Variants in B3GLCT observed in about 807,000 individuals in gnomAD.
B3GLCT encodes beta-1,3-glucosyltransferase.
Under a neutral mutation model 63.4 loss-of-function variants are expected in B3GLCT, and 65 were observed. The ratio of observed to expected loss-of-function variants is 1.03; its 90% CI spans 0.84 to 1.26. B3GLCT has a LOEUF of 1.26. Ranked by LOEUF, B3GLCT falls within the 50% of genes most tolerant of loss-of-function variation. The pLI is 0.00. For synonymous variants in B3GLCT, 233 were observed against 219.2 expected, an observed-to-expected ratio of 1.06 and a Z score of -0.55; for missense variants, 577 against 604.8, an observed-to-expected ratio of 0.95 and a Z score of 0.48.
rs1245202332 is a variant in B3GLCT, at chr13:31,200,173, G to C, written c.70+19G>C. 1 of 1,282,052 alleles carries C rather than the reference G, an allele frequency of 7.8e-7. No individual in the cohort carries two copies. The highest frequency in any genetic ancestry group is 1.6e-5 in the African/African-American group (1 of 63,742). The allele number at this position is 1,282,052 out of a possible 1,614,324, so 79.4% of individuals were successfully genotyped here. ...TCCCTGGGTAAGTAGCGGGCGGCCA[G>C]GCGCGCAAGGGCGAGGCGTGGGGTT... is the stretch of plus-strand genomic sequence containing the variant. On this transcript the variant is annotated intron_variant, in intron 1 of 14. Transcript: ENST00000343307.
At chr13:31,324,970 G>A (rs1384381791) in intron 14 of B3GLCT, among the ~76,000 whole-genome samples, 1 of 152,094 alleles carries the variant, frequency 6.6e-6, no homozygotes, top group Admixed American at 6.5e-5. Flanking sequence ...ACTTCCCAAA[G>A]TGCCAGGATT....
chr13:31,260,838 C>A, intron 6 of B3GLCT, 108 bp from the exon 7 acceptor site: 1 of 1,054,090 alleles, frequency 9.5e-7, no homozygotes, highest in Non-Finnish European at 1.4e-6. Flanking sequence ...GCTAATAACT[C>A]TTTATCACCC....
chr13:31,246,349 T>G (rs1485528276), intron 4 of B3GLCT, among the ~76,000 whole-genome samples: 2 of 152,238 alleles, frequency 1.3e-5, no homozygotes, highest in East Asian at 3.9e-4. Context: ...TCTCTTTATA[T>G]ATGTATACAT....
intron 1 of B3GLCT, among the ~76,000 whole-genome samples, chr13:31,212,572 C>T (rs904653338): frequency 2.6e-5 from 4 of 151,844 alleles, no homozygotes; most frequent in Admixed American, 6.6e-5. Context: ...TGGGTCCGGC[C>T]GCATGTCTGG....
chr13:31,223,979 C>T (rs910641653), intron 3 of B3GLCT, among the ~76,000 whole-genome samples: 8 of 152,134 alleles, frequency 5.3e-5, no homozygotes, highest in African/African-American at 1.7e-4. Context: ...ACCTGGAAGG[C>T]GAGCTCTAGA....
chr13:31,317,691 T>TATG lies in B3GLCT; in HGVS notation c.1184+9_1184+11dup, dbSNP rs749892401. 11 of 1,613,952 alleles carry TATG rather than the reference T, an allele frequency of 6.8e-6. No individual in the cohort carries two copies. Among genetic ancestry groups the TATG allele is most frequent in the Non-Finnish European group, 9.3e-6 (11 of 1,179,894 alleles). On this transcript the variant is annotated splice_region_variant and intron_variant, in intron 13 of 14. Coordinates refer to ENST00000343307, the MANE Select transcript of B3GLCT (RefSeq NM_194318.4). Reference sequence around the variant, plus strand: ...TACATCACGGGAGGAGGAGGGTAACTATGATCACAGCTTTCTTCAACTACT... The same window carrying TATG: ...TACATCACGGGAGGAGGAGGGTAACTATGATGATCACAGCTTTCTTCAACTACT...
chr13:31,292,788 T>G (rs1227169512), intron 12 of B3GLCT, among the ~76,000 whole-genome samples: 1 of 152,036 alleles, frequency 6.6e-6, no homozygotes, highest in Non-Finnish European at 1.5e-5. Context: ...TTTTTAGAGT[T>G]TTTTTGTGTC....
intron 7 of B3GLCT, among the ~76,000 whole-genome samples, chr13:31,266,945 AT>A (rs1287935429): frequency 1.3e-5 from 2 of 151,712 alleles, no homozygotes; most frequent in African/African-American, 4.8e-5. Flanking sequence ...TAATTTTTGT[AT>A]TTTTAGTAGA....
rs898558450 is a variant in B3GLCT at position 31,325,404 on chromosome 13, G to C, written c.1329+1509G>C. ...ATAAAAGGGGTAATTAAAACTGTTA[G>C]TGTATAAGGGAAATAATTTATCAAG... On this transcript the variant is annotated intron_variant, in intron 14 of 14. Transcript: ENST00000343307. 7.9e-5 allele frequency among the ~76,000 whole-genome samples: 12 copies of C among 152,138 alleles called. 1 individual carries two copies. The highest frequency in any genetic ancestry group is 2.9e-4 in the African/African-American group (12 of 41,426).
chr13:31,272,148 G>T (rs1438672399), intron 8 of B3GLCT, among the ~76,000 whole-genome samples: 1 of 151,000 alleles, frequency 6.6e-6, no homozygotes, highest in Non-Finnish European at 1.5e-5. Context: ...CCTTTATGTT[G>T]ATTGTAATTA....
chr13:31,267,429 A>G (rs1593285417), intron 7 of B3GLCT, among the ~76,000 whole-genome samples: 2 of 152,386 alleles, frequency 1.3e-5, no homozygotes, highest in East Asian at 3.8e-4. Flanking sequence ...ACCTTGATGC[A>G]GTTTATTTAT....
At chr13:31,249,693 C>G (rs1228261293) in intron 6 of B3GLCT, among the ~76,000 whole-genome samples, 1 of 152,180 alleles carries the variant, frequency 6.6e-6, no homozygotes, top group African/African-American at 2.4e-5. Flanking sequence ...GAGATGTTTT[C>G]TCCCTCTTTT....
rs1002347767 is a variant in B3GLCT, at chr13:31,264,958, T to C, written c.596+3876T>C. Among the ~76,000 whole-genome samples the C allele has an allele frequency of 2.0e-5, 3 of 152,230 alleles. No individual in the cohort carries two copies. In the East Asian group the frequency reaches 5.8e-4, roughly 29 times the overall value. On this transcript the variant is annotated intron_variant, in intron 7 of 14. Coordinates refer to ENST00000343307, the MANE Select transcript of B3GLCT (RefSeq NM_194318.4). ...TATCAATATCATTGAGGACCCACAC[T>C]TTCTCTGTCCCTCTAGCCTATAGTA...
In B3GLCT at chr13:31,330,024, T is replaced by C. The variant is rs1875836519; in HGVS notation, c.*356T>C. On this transcript the variant is annotated 3_prime_UTR_variant, in exon 15 of 15. Coordinates refer to ENST00000343307, the MANE Select transcript of B3GLCT (RefSeq NM_194318.4). ...CTGTCTCTTCATTGTAATGGAAGTT[T>C]CAGTTGGGCATGAGCCTGGAGAGAT... is the stretch of plus-strand genomic sequence containing the variant. 3.3e-6 allele frequency: 1 copy of C among 306,488 alleles called. No individual in the cohort carries two copies. The highest frequency in any genetic ancestry group is 6.3e-6 in the Non-Finnish European group (1 of 159,566). The allele number at this position is 306,488 out of a possible 1,614,324, so 19.0% of individuals were successfully genotyped here. A position where few individuals can be genotyped will look rare whatever the true frequency, so the allele number is the denominator to read the frequency against.
At chr13:31,289,214 A>G (rs796811620) in intron 12 of B3GLCT, among the ~76,000 whole-genome samples, 21 of 152,224 alleles carry the variant, frequency 1.4e-4, no homozygotes, top group African/African-American at 4.8e-4. Flanking sequence ...GAAAAAATGA[A>G]AAAGAATGAA....
intron 10 of B3GLCT, chr13:31,283,314 C>A (rs1241725751): frequency 1.3e-5 from 2 of 152,194 alleles, no homozygotes; most frequent in Non-Finnish European, 2.9e-5. Flanking sequence ...GGGGTAAGTT[C>A]TCTTGCTTAT....
intron 6 of B3GLCT, among the ~76,000 whole-genome samples, chr13:31,251,189 A>G (rs865843947): frequency 2.2e-4 from 34 of 152,226 alleles, no homozygotes; most frequent in African/African-American, 6.5e-4. Context: ...AAGGACGTCC[A>G]CTCAGAGACC....
intron 12 of B3GLCT, among the ~76,000 whole-genome samples, chr13:31,297,800 T>C (rs1874032077): frequency 2.0e-5 from 3 of 152,168 alleles, no homozygotes; most frequent in Admixed American, 2.0e-4. Context: ...TTTAATTTGC[T>C]AGAGTGGCTC....
intron 12 of B3GLCT, among the ~76,000 whole-genome samples, chr13:31,295,532 G>T (rs528196604): frequency 3.0e-4 from 45 of 152,328 alleles, no homozygotes; most frequent in African/African-American, 1.1e-3. Flanking sequence ...GGAATCTAGA[G>T]AGGCAGTCTG....
Sources: gnomAD v4.1 joint callset for allele counts (sites outside exome capture counted in the v4.1 genomes callset) on GRCh38, gnomAD v4.1.1 for gene constraint, MANE v1.5 for transcripts, NCBI Gene and HGNC (gene_info 2026-07-23, HGNC 2026-07-21) for gene names.